LRRC37A2: variants seen among roughly 807,000 people sequenced by gnomAD.
LRRC37A2 encodes leucine rich repeat containing 37 member A2.
LRRC37A2 carries 9 observed loss-of-function variants against 68.8 expected under a neutral mutation model. The ratio of observed to expected loss-of-function variants is 0.13; its 90% CI spans 0.08 to 0.23. The LOEUF (loss-of-function observed/expected upper bound fraction) is 0.23, where lower values mean the gene tolerates loss of function less well. Ranked by LOEUF, LRRC37A2 falls within the 10% of genes least tolerant of loss-of-function variation. The pLI is 1.00. For synonymous variants in LRRC37A2, 63 were observed against 367.6 expected (o/e 0.17, Z 9.48); for missense variants, 168 against 950.4 (o/e 0.18, Z 10.82).
At chr17:46,998,662 T>A in the LRRC37A2 span, 6 of 152,274 alleles carry the variant, frequency 3.9e-5, no homozygotes, top group African/African-American at 1.4e-4. Flanking sequence ...GCTGGAGGAC[T>A]TCCCCCCACA....
chr17:46,679,616 C>T, the LRRC37A2 span, among the ~76,000 whole-genome samples: 121 of 134,058 alleles, frequency 9.0e-4, no homozygotes, highest in African/African-American at 3.3e-3. Flanking sequence ...TGCTTGAACC[C>T]GGGAGGCGGA....
At chr17:46,509,841 AG>A (rs1287498877), upstream of LRRC37A2, among the ~76,000 whole-genome samples, 2 of 26,552 alleles carry the variant, frequency 7.5e-5, no homozygotes, top group Non-Finnish European at 1.4e-4. Flanking sequence ...CAGGAGGCGG[AG>A]GTTGCAGTGA....
the LRRC37A2 span, chr17:46,755,452 C>T: frequency 8.6e-7 from 1 of 1,160,856 alleles, no homozygotes; most frequent in Non-Finnish European, 1.3e-6. Flanking sequence ...AGTTGCTTTC[C>T]TAGATAAGTT....
chr17:47,031,806 CT>C, the LRRC37A2 span, among the ~76,000 whole-genome samples: 1 of 144,722 alleles, frequency 6.9e-6, no homozygotes, highest in East Asian at 2.1e-4. Flanking sequence ...ACAAACATGC[CT>C]TACTGTTCCC....
At chr17:46,923,511 T>C in the LRRC37A2 span, 1 of 1,379,328 alleles carries the variant, frequency 7.2e-7, no homozygotes, top group Non-Finnish European at 9.3e-7. Flanking sequence ...ACCTGCAGGT[T>C]ATAAAACTTT....
chr17:46,500,081 A>G, the LRRC37A2 span, among the ~76,000 whole-genome samples: 2 of 147,390 alleles, frequency 1.4e-5, no homozygotes, highest in Admixed American at 6.7e-5. Context: ...TGTGCCATTC[A>G]GTCAAGAAAT....
chr17:46,912,215 T>C, the LRRC37A2 span, among the ~76,000 whole-genome samples: 1 of 152,208 alleles, frequency 6.6e-6, no homozygotes, highest in Non-Finnish European at 1.5e-5. Flanking sequence ...CAGAAGGCAT[T>C]TCTCTAGTCT....
chr17:46,904,470 ATGGATG>A, the LRRC37A2 span, among the ~76,000 whole-genome samples: 2 of 140,516 alleles, frequency 1.4e-5, no homozygotes, highest in Non-Finnish European at 3.1e-5. Context: ...GGATGGATGG[ATGGATG>A]GATGGATGGA....
At chr17:46,837,645 A>G in the LRRC37A2 span, among the ~76,000 whole-genome samples, 52 of 152,286 alleles carry the variant, frequency 3.4e-4, no homozygotes, top group African/African-American at 7.5e-4. Context: ...GGGTGACTCC[A>G]AAGGACTGAG....
the LRRC37A2 span, among the ~76,000 whole-genome samples, chr17:46,934,300 G>A: frequency 6.6e-6 from 1 of 151,992 alleles, no homozygotes; most frequent in Non-Finnish European, 1.5e-5. Context: ...CACAGGAGTT[G>A]GAGACCAGCC....
the LRRC37A2 span, among the ~76,000 whole-genome samples, chr17:46,861,649 A>G: frequency 1.3e-5 from 2 of 152,144 alleles, no homozygotes; most frequent in Non-Finnish European, 2.9e-5. Flanking sequence ...AGCTGGGGGC[A>G]TAGGGTGGCC....
chr17:46,755,766 C>T, the LRRC37A2 span: 23 of 1,551,026 alleles, frequency 1.5e-5, no homozygotes, highest in African/African-American at 1.3e-4. Flanking sequence ...TACGGACCCT[C>T]ATCTGTTTTT....
At chr17:46,938,316 A>G in the LRRC37A2 span, among the ~76,000 whole-genome samples, 1 of 152,198 alleles carries the variant, frequency 6.6e-6, no homozygotes, top group Non-Finnish European at 1.5e-5. Context: ...TGTAAGAGAG[A>G]TACATATATA....
the LRRC37A2 span, among the ~76,000 whole-genome samples, chr17:46,891,169 T>G: frequency 6.6e-6 from 1 of 152,360 alleles, no homozygotes; most frequent in East Asian, 1.9e-4. Context: ...ATTCTGTGTC[T>G]GGGTCTTCCT....
chr17:46,769,930 C>T, the LRRC37A2 span: 1 of 1,613,430 alleles, frequency 6.2e-7, no homozygotes, highest in East Asian at 2.2e-5. Context: ...CGCCAGGCGG[C>T]CCCTTATGAT....
chr17:46,773,032 A>G, the LRRC37A2 span, among the ~76,000 whole-genome samples: 4 of 152,002 alleles, frequency 2.6e-5, no homozygotes, highest in African/African-American at 9.7e-5. Context: ...TGTCCCACTT[A>G]GCCTCCCTCC....
chr17:46,908,230 G>A, the LRRC37A2 span, among the ~76,000 whole-genome samples: 2 of 147,390 alleles, frequency 1.4e-5, no homozygotes, highest in Non-Finnish European at 1.5e-5. Flanking sequence ...GTGCAAGGAA[G>A]CCTGTCAGTG....
the LRRC37A2 span, chr17:46,876,456 C>G: frequency 6.2e-7 from 1 of 1,613,712 alleles, no homozygotes; most frequent in Non-Finnish European, 8.5e-7. Flanking sequence ...GGCAGCCTCA[C>G]CAAAGGCCTG....
the LRRC37A2 span, among the ~76,000 whole-genome samples, chr17:46,868,403 C>A: frequency 1.3e-5 from 2 of 151,814 alleles, no homozygotes; most frequent in African/African-American, 2.4e-5. Flanking sequence ...ACCAGCCTAG[C>A]CAACATGGCG....
Sources: gnomAD v4.1 joint callset for allele counts (sites outside exome capture counted in the v4.1 genomes callset) on GRCh38, gnomAD v4.1.1 for gene constraint, MANE v1.5 for transcripts, NCBI Gene and HGNC (gene_info 2026-07-23, HGNC 2026-07-21) for gene names.